The following DNLZ variants were observed in gnomAD, a reference collection of about 807,000 sequenced individuals.
DNLZ encodes DNL-type zinc finger.
A neutral mutation model predicts 7.8 loss-of-function variants in DNLZ; 15 were observed. The ratio of observed to expected loss-of-function variants is 1.91; its 90% CI spans 1.28 to 2.95. The LOEUF (loss-of-function observed/expected upper bound fraction) is 2.95. Among genes scored for constraint, DNLZ ranks in the 30% most tolerant of loss-of-function variants. DNLZ has a pLI of 0.00. For missense variants in DNLZ, 255 were observed against 167.3 expected (o/e 1.52, Z -2.89); for synonymous variants, 123 against 77.8 (o/e 1.58, Z -3.05).
chr9:136,363,734 C>CGCCCTGTCCCG lies in DNLZ; in HGVS notation c.-21_-20insCGGGACAGGGC, dbSNP rs1833033866. 2 of 454,782 alleles carry CGCCCTGTCCCG rather than the reference C, an allele frequency of 4.4e-6. No homozygotes were observed. Among genetic ancestry groups the CGCCCTGTCCCG allele is most frequent in the South Asian group, 6.3e-5 (2 of 31,936 alleles). The allele number at this position is 454,782 out of a possible 1,614,324, so 28.2% of individuals were successfully genotyped here. A position where few individuals can be genotyped will look rare whatever the true frequency, so the allele number is the denominator to read the frequency against. ...CAGCATCCCGCTCGCCGGCTCCGTC[C>CGCCCTGTCCCG]GCCCTGCCCCGGCCCCGCCCCGCCG... is the stretch of plus-strand genomic sequence containing the variant. On this transcript the variant is annotated 5_prime_UTR_variant, in exon 1 of 3. Transcript: ENST00000371738.
Position 136,361,628 on chromosome 9 carries a change from A to G in DNLZ, c.*384T>C. 5.5e-6 allele frequency: 1 copy of G among 182,540 alleles called. No individual in the cohort carries two copies. Among genetic ancestry groups the G allele is most frequent in the East Asian group, 1.4e-4 (1 of 7,362 alleles). The allele number at this position is 182,540 out of a possible 1,614,324, so 11.3% of individuals were successfully genotyped here. A position where few individuals can be genotyped will look rare whatever the true frequency, so the allele number is the denominator to read the frequency against. ...CGCCAGAGCTGGCCAGGGGGGCGGC[A>G]AGGGCCTTGCAGAGGAAGGCTGAGG... On this transcript the variant is annotated 3_prime_UTR_variant, in exon 3 of 3. Transcript: ENST00000371738.
At chr9:136,362,676 G>T (rs550213125) in intron 2 of DNLZ, among the ~76,000 whole-genome samples, 6 of 152,236 alleles carry the variant, frequency 3.9e-5, no homozygotes, top group Admixed American at 2.0e-4. Flanking sequence ...ATGGCAGAGG[G>T]CAAAAAAGTT....
Position 136,361,944 on chromosome 9 carries a change from C to T in DNLZ, c.*68G>A. 1 of 1,168,548 alleles carries T rather than the reference C, an allele frequency of 8.6e-7. No homozygotes were observed. The highest frequency in any genetic ancestry group is 1.1e-6 in the Non-Finnish European group (1 of 919,330). 72.4% of individuals were successfully genotyped at this position (1,168,548 alleles called of 1,614,324 possible). On this transcript the variant is annotated 3_prime_UTR_variant, in exon 3 of 3. Transcript: ENST00000371738. ...TTATTGATAGAAAACAGGCCACGTC[C>T]AGAGAGGCCCAGGGCCAAAACCTCC...
chr9:136,363,692 C>G lies in DNLZ; in HGVS notation c.23G>C (p.Gly8Ala), dbSNP rs927516246. The G allele has an allele frequency of 2.8e-4, 115 of 413,486 alleles. 7 individuals carry two copies. Among genetic ancestry groups the G allele is most frequent in the Middle Eastern group, 6.4e-4 (1 of 1,554 alleles). 25.6% of individuals were successfully genotyped at this position (413,486 alleles called of 1,614,324 possible). A position where few individuals can be genotyped will look rare whatever the true frequency, so the allele number is the denominator to read the frequency against. The stretch of plus-strand genomic sequence containing the variant: ...CACGCGACTCAGCAACCTCGGCGCG[C>G]CGCGCAGCGCAGTCCGCAGCATCCC... MLRTALR[G>A]APRLLSRVQP... Residue 8 changes from glycine (G) to alanine (A), a missense_variant, in exon 1 of 3, where the codon GGC becomes GCC. Physicochemically the swap from Gly to Ala is moderately conservative, Grantham distance 60 (BLOSUM62 0). Transcript: ENST00000371738.
Position 136,362,164 on chromosome 9 carries a change from G to A in DNLZ, c.385C>T (p.Leu129=), listed in dbSNP as rs763709602. The change falls in exon 3 of 3, where the codon CTG becomes TTG. Residue 129 remains leucine (L), a synonymous_variant. Transcript: ENST00000371738. Reference sequence around the variant, plus strand: ...TGCACCTGCTCGCCTCTGGCCGTCAGGATCTCTTCGATATTTCTGGGGGGC... The same window carrying A: ...TGCACCTGCTCGCCTCTGGCCGTCAAGATCTCTTCGATATTTCTGGGGGGC... The part of the protein sequence containing the change: ...LNGKRNIEEI[L]TARGEQVHRV... 1.3e-6 allele frequency: 2 copies of A among 1,495,004 alleles called. No individual in the cohort carries two copies. The highest frequency in any genetic ancestry group is 1.8e-6 in the Non-Finnish European group (2 of 1,127,296). The allele number at this position is 1,495,004 out of a possible 1,614,324, so 92.6% of individuals were successfully genotyped here. A position where few individuals can be genotyped will look rare whatever the true frequency, so the allele number is the denominator to read the frequency against.
intron 2 of DNLZ, among the ~76,000 whole-genome samples, 192 bp from the exon 3 acceptor site, chr9:136,362,372 G>A (rs1057003762): frequency 6.6e-5 from 10 of 152,294 alleles, no homozygotes; most frequent in East Asian, 1.9e-4. Flanking sequence ...GCCGGTATGC[G>A]CCGCCTCAGG....
chr9:136,359,851 ACACT>A lies in DNLZ; in HGVS notation c.*2157_*2160del, dbSNP rs1244933096. ...GGGAAACAGAGCATGCTCTGAGCTGACACTCACGTGGCCGGGACCAGCCCCCAGA... is the reference window on the plus strand; with the variant it reads ...GGGAAACAGAGCATGCTCTGAGCTGACACGTGGCCGGGACCAGCCCCCAGA... On this transcript the variant is annotated 3_prime_UTR_variant, in exon 3 of 3. Transcript: ENST00000371738. 2.6e-5 allele frequency: 4 copies of A among 152,240 alleles called. No homozygotes were observed. Among genetic ancestry groups the A allele is most frequent in the African/African-American group, 9.7e-5 (4 of 41,406 alleles). 9.4% of individuals were successfully genotyped at this position (152,240 alleles called of 1,614,324 possible).
chr9:136,363,324 A>G, intron 1 of DNLZ, 163 bp downstream of exon 1: 1 of 634,992 alleles, frequency 1.6e-6, no homozygotes. Flanking sequence ...ACCCCTCCTC[A>G]TGGTCCGCCT....
In DNLZ at chr9:136,362,159, C is replaced by T. The variant is rs752532649; in HGVS notation, c.390G>A (p.Thr130=). 7.4e-6 allele frequency: 11 copies of T among 1,496,358 alleles called. No homozygotes were observed. The highest frequency in any genetic ancestry group is 2.7e-5 in the East Asian group (1 of 37,164). 92.7% of individuals were successfully genotyped at this position (1,496,358 alleles called of 1,614,324 possible). The change falls in exon 3 of 3, where the codon ACG becomes ACA. Residue 130 remains threonine, a synonymous_variant. Transcript: ENST00000371738. ...CACGGTGCACCTGCTCGCCTCTGGC[C>T]GTCAGGATCTCTTCGATATTTCTGG... ...NGKRNIEEIL[T]ARGEQVHRVA... is the part of the protein sequence containing the mutation.
rs774509769 is a variant in DNLZ at position 136,362,086 on chromosome 9, G to A, written c.463C>T (p.Pro155Ser). Reference sequence around the variant, plus strand: ...GCTTCCGGAGCTGCAGTGGATGTGGGGGCCCCTGCAGCCTCCAGAACCAGT... The same window carrying A: ...GCTTCCGGAGCTGCAGTGGATGTGGAGGCCCCTGCAGCCTCCAGAACCAGT... ...LELVLEAAGA[P>S]TSTAAPEAGE... The change falls in exon 3 of 3, where the codon CCC becomes TCC. Residue 155 changes from proline (P) to serine (S), a missense_variant. By Grantham distance (74) the Pro-to-Ser change is moderately conservative. Coordinates refer to ENST00000371738, the MANE Select transcript of DNLZ (RefSeq NM_001080849.3). 5.5e-6 allele frequency: 8 copies of A among 1,458,452 alleles called. No individual in the cohort carries two copies. Among genetic ancestry groups the A allele is most frequent in the South Asian group, 1.4e-5 (1 of 71,164 alleles). 90.3% of individuals were successfully genotyped at this position (1,458,452 alleles called of 1,614,324 possible).
In DNLZ at chr9:136,362,130, G is replaced by A. The variant is rs530884865; in HGVS notation, c.419C>T (p.Ala140Val). 133 of 1,502,562 alleles carry A rather than the reference G, an allele frequency of 8.9e-5. No individual in the cohort carries two copies. The East Asian group carries it at 1.4e-3, about 16-fold the overall frequency. 93.1% of individuals were successfully genotyped at this position (1,502,562 alleles called of 1,614,324 possible). A position where few individuals can be genotyped will look rare whatever the true frequency, so the allele number is the denominator to read the frequency against. The change falls in exon 3 of 3, where the codon GCG (alanine) becomes GTG (valine). Residue 140 changes from alanine to valine, a missense_variant. By Grantham distance (64) the Ala-to-Val change is moderately conservative. Transcript: ENST00000371738. ...AACCAGTTCCAGGGCCCCCTCGCCC[G>A]CCACACGGTGCACCTGCTCGCCTCT... ...TARGEQVHRV[A>V]GEGALELVLE...
In DNLZ at chr9:136,362,988, C is replaced by G. The variant is rs1426612933; in HGVS notation, c.368+1G>C. On this transcript the variant is annotated splice_donor_variant, in intron 2 of 2. Coordinates refer to ENST00000371738, the MANE Select transcript of DNLZ (RefSeq NM_001080849.3). LOFTEE classifies it high-confidence loss of function. Reference sequence around the variant, plus strand: ...GCCCAGCCCTGGGGTACAGGCCTCACCTCTTCCCATTCAGGTCCGAGAACC... The same window carrying G: ...GCCCAGCCCTGGGGTACAGGCCTCAGCTCTTCCCATTCAGGTCCGAGAACC... The G allele has an allele frequency of 3.1e-6, 5 of 1,613,524 alleles. No homozygotes were observed. Among genetic ancestry groups the G allele is most frequent in the Admixed American group, 3.3e-5 (2 of 59,998 alleles).
chr9:136,361,843 C>A lies in DNLZ; in HGVS notation c.*169G>T. ...GTCCCACCCAGCAGCACCAGGGATT[C>A]AGAGCAATCGTTCTAACTCCAGAAA... On this transcript the variant is annotated 3_prime_UTR_variant, in exon 3 of 3. Transcript: ENST00000371738. 2 of 468,238 alleles carry A rather than the reference C, an allele frequency of 4.3e-6. No homozygotes were observed. Among genetic ancestry groups the A allele is most frequent in the Non-Finnish European group, 3.5e-6 (1 of 289,758 alleles). The allele number at this position is 468,238 out of a possible 1,614,324, so 29.0% of individuals were successfully genotyped here. A position where few individuals can be genotyped will look rare whatever the true frequency, so the allele number is the denominator to read the frequency against.
intron 1 of DNLZ, 98 bp downstream of exon 1, chr9:136,363,389 C>T: frequency 1.3e-6 from 1 of 749,848 alleles, no homozygotes; most frequent in Non-Finnish European, 2.4e-6. Flanking sequence ...GTGACTTGAC[C>T]ACGCCGCCTC....
rs1250434852 is a variant in DNLZ, at chr9:136,361,703, G to C, written c.*309C>G. ...AAGTCACGCAGCGACAGCCAGGAAG[G>C]GCTCTGACGCCACATCCAGCCCCCT... is the stretch of plus-strand genomic sequence containing the variant. On this transcript the variant is annotated 3_prime_UTR_variant, in exon 3 of 3. Transcript: ENST00000371738. 1.0e-5 allele frequency: 3 copies of C among 299,534 alleles called. No homozygotes were observed. The highest frequency in any genetic ancestry group is 1.2e-5 in the Non-Finnish European group (2 of 163,490). 18.6% of individuals were successfully genotyped at this position (299,534 alleles called of 1,614,324 possible).
chr9:136,363,706 C>T lies in DNLZ; in HGVS notation c.9G>A (p.Arg3=), dbSNP rs556090538. 6 of 465,712 alleles carry T rather than the reference C, an allele frequency of 1.3e-5. No homozygotes were observed. In the Admixed American group the frequency reaches 1.7e-4, roughly 14 times the overall value. 28.8% of individuals were successfully genotyped at this position (465,712 alleles called of 1,614,324 possible). The part of the protein sequence containing the change: ML[R]TALRGAPRLL... Reference sequence around the variant, plus strand: ...ACCTCGGCGCGCCGCGCAGCGCAGTCCGCAGCATCCCGCTCGCCGGCTCCG... The same window carrying T: ...ACCTCGGCGCGCCGCGCAGCGCAGTTCGCAGCATCCCGCTCGCCGGCTCCG... Residue 3 remains arginine (R), a synonymous_variant, in exon 1 of 3, where the codon CGG becomes CGA. Coordinates refer to ENST00000371738, the MANE Select transcript of DNLZ (RefSeq NM_001080849.3).
In DNLZ at chr9:136,361,595, AG is replaced by A. The variant is rs1322868525; in HGVS notation, c.*416del. ...GCTCAGGTCTGCACTGGCTCACGGAAGGGAGGCCGCCAGAGCTGGCCAGGGG... is the reference window on the plus strand; with the variant it reads ...GCTCAGGTCTGCACTGGCTCACGGAAGGAGGCCGCCAGAGCTGGCCAGGGG... On this transcript the variant is annotated 3_prime_UTR_variant, in exon 3 of 3. Transcript: ENST00000371738. 1 of 163,552 alleles carries A rather than the reference AG, an allele frequency of 6.1e-6. No homozygotes were observed. The highest frequency in any genetic ancestry group is 1.3e-5 in the Non-Finnish European group (1 of 75,916). The allele number at this position is 163,552 out of a possible 1,614,324, so 10.1% of individuals were successfully genotyped here. A position where few individuals can be genotyped will look rare whatever the true frequency, so the allele number is the denominator to read the frequency against.
rs923636375 is a variant in DNLZ at position 136,363,414 on chromosome 9, G to A, written c.228+73C>T. ...CACGCCGCCTCCCGGATCCCCGGCG[G>A]GCCGCTTCTCCCCGCAGGCCGTGTA... On this transcript the variant is annotated intron_variant, in intron 1 of 2. Transcript: ENST00000371738. 1.6e-5 allele frequency: 12 copies of A among 758,084 alleles called. No individual in the cohort carries two copies. In the African/African-American group the frequency reaches 1.9e-4, roughly 12 times the overall value. The allele number at this position is 758,084 out of a possible 1,614,324, so 47.0% of individuals were successfully genotyped here.
chr9:136,363,660 G>A lies in DNLZ; in HGVS notation c.55C>T (p.Arg19Trp), dbSNP rs1226727158. The change falls in exon 1 of 3, where the codon CGG becomes TGG. Residue 19 changes from arginine to tryptophan, a missense_variant. Coordinates refer to ENST00000371738, the MANE Select transcript of DNLZ (RefSeq NM_001080849.3). ...APRLLSRVQP[R>W]APCLRRLWGR... ...CACAGCCGCCTCAGGCAGGGCGCCC[G>A]GGGCTGCACGCGACTCAGCAACCTC... is the stretch of plus-strand genomic sequence containing the variant. 1.7e-5 allele frequency: 7 copies of A among 410,936 alleles called. No homozygotes were observed. Among genetic ancestry groups the A allele is most frequent in the Non-Finnish European group, 2.5e-5 (6 of 237,970 alleles). The allele number at this position is 410,936 out of a possible 1,614,324, so 25.5% of individuals were successfully genotyped here. A position where few individuals can be genotyped will look rare whatever the true frequency, so the allele number is the denominator to read the frequency against.
Sources: gnomAD v4.1 joint callset for allele counts (sites outside exome capture counted in the v4.1 genomes callset) on GRCh38, gnomAD v4.1.1 for gene constraint, MANE v1.5 for transcripts, NCBI Gene and HGNC (gene_info 2026-07-23, HGNC 2026-07-21) for gene names.